SACS: variants seen among roughly 807,000 people sequenced by gnomAD.
SACS encodes the protein sacsin.
SACS carries 197 observed loss-of-function variants against 348.0 expected under a neutral mutation model. The observed-to-expected ratio is 0.57, with a 90% CI of 0.50 to 0.64. The LOEUF is 0.64. Ranked by LOEUF, SACS falls within the 30% of genes least tolerant of loss-of-function variation. The probability of loss-of-function intolerance (pLI) is 0.00; values close to 1 mark genes in which losing one functional copy is unlikely to be tolerated. For synonymous variants in SACS, 1,985 were observed against 1,910.6 expected, an observed-to-expected ratio of 1.04 and a Z score of -1.02; for missense variants, 4,999 against 5,360.8, an observed-to-expected ratio of 0.93 and a Z score of 2.11.
Position 23,336,753 on chromosome 13 carries a change from G to C in SACS, c.7123C>G (p.Pro2375Ala). Residue 2375 changes from proline (P) to alanine (A), a missense_variant, in exon 10 of 10, where the codon CCT becomes GCT. Around this residue, in one of 6 missense-constraint regions of SACS, gnomAD observed 3,156 missense variants for 3,380.1 expected, o/e 0.93. Coordinates refer to ENST00000382292, the MANE Select transcript of SACS (RefSeq NM_014363.6). ...CGGAAATTATTTTTATACTTATTAG[G>C]CAACTGATAAAGGTATGGTGCCGCC... is the stretch of plus-strand genomic sequence containing the variant. Reference protein sequence around the residue: ...FEAAPYLYQLPNKYKNNFREL... With the variant: ...FEAAPYLYQLANKYKNNFREL... 1 of 1,613,776 alleles carries C rather than the reference G, an allele frequency of 6.2e-7. No homozygotes were observed. The highest frequency in any genetic ancestry group is 8.5e-7 in the Non-Finnish European group (1 of 1,179,862).
chr13:23,426,125 C>G (rs1427250315), intron 1 of SACS, among the ~76,000 whole-genome samples: 2 of 152,162 alleles, frequency 1.3e-5, no homozygotes, highest in African/African-American at 4.8e-5. Flanking sequence ...GCTCCCAGCT[C>G]TTACTTATTC....
chr13:23,411,468 T>A lies in SACS; in HGVS notation c.-229A>T. 1 of 572,614 alleles carries A rather than the reference T, an allele frequency of 1.7e-6. No individual in the cohort carries two copies. 35.5% of individuals were successfully genotyped at this position (572,614 alleles called of 1,614,324 possible). A position where few individuals can be genotyped will look rare whatever the true frequency, so the allele number is the denominator to read the frequency against. On this transcript the variant is annotated 5_prime_UTR_variant, in exon 2 of 10. Transcript: ENST00000382292. ...CTTAAAGTATGACTCTCCAGTCTGA[T>A]AATGGTTGCCTGCTGATCCAGCGAC...
Position 23,334,817 on chromosome 13 carries a change from G to C in SACS, c.9059C>G (p.Ser3020Cys), listed in dbSNP as rs1490974915. The C allele has an allele frequency of 6.2e-7, 1 of 1,613,796 alleles. No individual in the cohort carries two copies. Among genetic ancestry groups the C allele is most frequent in the Admixed American group, 1.7e-5 (1 of 59,998 alleles). ...VIITWINMST[S>C]NKTRPFFDNL... The stretch of plus-strand genomic sequence containing the variant: ...GTCAAAAAATGGTCTAGTTTTATTA[G>C]AAGTAGACATATTGATCCAAGTAAT... The change falls in exon 10 of 10, where the codon TCT becomes TGT. Residue 3020 changes from serine (S) to cysteine (C), a missense_variant. By Grantham distance (112) the Ser-to-Cys change is moderately radical. Transcript: ENST00000382292.
At chr13:23,362,206 T>C (rs941859373) in intron 6 of SACS, among the ~76,000 whole-genome samples, 1 of 152,168 alleles carries the variant, frequency 6.6e-6, no homozygotes, top group Non-Finnish European at 1.5e-5. Context: ...CAGGCCAAGG[T>C]GTGTCCTAGT....
intron 2 of SACS, among the ~76,000 whole-genome samples, chr13:23,386,605 T>A (rs181259401): frequency 6.6e-6 from 1 of 152,340 alleles, no homozygotes; most frequent in East Asian, 1.9e-4. Context: ...AGTTTCTGTA[T>A]TCACTGGAAT....
At chr13:23,380,121 TC>T (rs1325599802) in intron 2 of SACS, among the ~76,000 whole-genome samples, 102 of 57,854 alleles carry the variant, frequency 1.8e-3, no homozygotes, top group African/African-American at 5.5e-3. Context: ...TGGGATTCCC[TC>T]GTGTGTGTGT....
At chr13:23,380,135 G>GTGTGTGTT (rs1555257282) in intron 2 of SACS, among the ~76,000 whole-genome samples, 4 of 56,528 alleles carry the variant, frequency 7.1e-5, no homozygotes, top group African/African-American at 1.4e-4. Flanking sequence ...GTGTGTGTGT[G>GTGTGTGTT]TGTGTGTGTG....
intron 1 of SACS, among the ~76,000 whole-genome samples, chr13:23,422,293 T>C (rs1873982837): frequency 6.6e-6 from 1 of 152,252 alleles, no homozygotes; most frequent in Admixed American, 6.5e-5. Flanking sequence ...GAAGAAGCTT[T>C]GTGATGTGCT....
chr13:23,409,206 A>G (rs1873378522), intron 2 of SACS, among the ~76,000 whole-genome samples: 1 of 146,962 alleles, frequency 6.8e-6, no homozygotes, highest in African/African-American at 2.5e-5. Flanking sequence ...ACAGGTGCCC[A>G]CCACCACGCC....
chr13:23,362,611 A>T (rs1593151317), intron 6 of SACS, among the ~76,000 whole-genome samples: 1 of 112,870 alleles, frequency 8.9e-6, no homozygotes. Flanking sequence ...TTTGAGATGG[A>T]GTCTCACTCT....
In SACS at chr13:23,354,710, C is replaced by T. The variant is rs781762286; in HGVS notation, c.1902G>A (p.Val634=). 6.2e-7 allele frequency: 1 copy of T among 1,613,772 alleles called. No individual in the cohort carries two copies. Among genetic ancestry groups the T allele is most frequent in the Non-Finnish European group, 8.5e-7 (1 of 1,179,754 alleles). The change falls in exon 8 of 10, where the codon GTG becomes GTA. Residue 634 remains valine (V), a synonymous_variant. Transcript: ENST00000382292. ...AGCCCAGGTGTGCACACTTCCGCAG[C>T]ACCTGCCGCACCCACGCGGGCGTCA... ...RKVTPAWVRQ[V]LRKCAHLGCA... is the part of the protein sequence containing the mutation.
chr13:23,334,196 T>C lies in SACS; in HGVS notation c.9680A>G (p.Lys3227Arg). The change falls in exon 10 of 10, where the codon AAG (lysine) becomes AGG (arginine). Residue 3227 changes from lysine to arginine, a missense_variant. By Grantham distance (26) the Lys-to-Arg change is conservative. Coordinates refer to ENST00000382292, the MANE Select transcript of SACS (RefSeq NM_014363.6). ...LLSSVLPREYKTKSCTKWKDN... is the reference protein window; with the variant it reads ...LLSSVLPREYRTKSCTKWKDN... ...TTTCCACTTTGTGCAACTTTTGGTCTTATATTCTCGAGGCAACACAGAGGA... is the reference window on the plus strand; with the variant it reads ...TTTCCACTTTGTGCAACTTTTGGTCCTATATTCTCGAGGCAACACAGAGGA... 2 of 1,613,894 alleles carry C rather than the reference T, an allele frequency of 1.2e-6. No individual in the cohort carries two copies. Among genetic ancestry groups the C allele is most frequent in the African/African-American group, 1.3e-5 (1 of 75,062 alleles).
chr13:23,412,595 G>A (rs1873538915), intron 1 of SACS, among the ~76,000 whole-genome samples: 3 of 151,746 alleles, frequency 2.0e-5, no homozygotes, highest in Non-Finnish European at 4.4e-5. Flanking sequence ...TGTATTTTTA[G>A]TGGAGATGGG....
chr13:23,359,200 A>G (rs142468897), intron 6 of SACS, among the ~76,000 whole-genome samples: 113 of 152,322 alleles, frequency 7.4e-4, no homozygotes, highest in African/African-American at 2.5e-3. Context: ...AGAAAAAAGA[A>G]AAAGAAATAT....
chr13:23,348,676 G>A (rs1262676645), intron 9 of SACS, among the ~76,000 whole-genome samples: 1 of 152,160 alleles, frequency 6.6e-6, no homozygotes, highest in Non-Finnish European at 1.5e-5. Flanking sequence ...GTCAAAGAAA[G>A]CTTCCTGGAG....
In SACS at chr13:23,339,171, T is replaced by C. The variant is rs1868956410; in HGVS notation, c.4705A>G (p.Ile1569Val). 6.2e-7 allele frequency: 1 copy of C among 1,613,076 alleles called. No individual in the cohort carries two copies. The highest frequency in any genetic ancestry group is 2.2e-5 in the East Asian group (1 of 44,852). ...AATTCCCGACTCATAATGATGGGAA[T>C]GTCAGTGATATGGTACACAGAATTA... The part of the protein sequence containing the change: ...GFNSVYHITD[I>V]PIIMSREFMI... Residue 1569 changes from isoleucine (I) to valine (V), a missense_variant, in exon 10 of 10, where the codon ATT becomes GTT. By Grantham distance (29) the Ile-to-Val change is conservative (BLOSUM62 3). This residue lies in a region of SACS where 3,156 missense variants were observed against 3,380.1 expected (regional missense o/e 0.93). Coordinates refer to ENST00000382292, the MANE Select transcript of SACS (RefSeq NM_014363.6).
chr13:23,373,077 A>G (rs1222915891), intron 3 of SACS, among the ~76,000 whole-genome samples: 1 of 152,156 alleles, frequency 6.6e-6, no homozygotes. Flanking sequence ...TCTAAATGGC[A>G]GGGCTAGCCA....
chr13:23,370,353 G>C (rs1404947265), intron 4 of SACS, among the ~76,000 whole-genome samples: 1 of 152,158 alleles, frequency 6.6e-6, no homozygotes, highest in South Asian at 2.1e-4. Context: ...AGATAAGTAC[G>C]TACCATGAAA....
At chr13:23,366,252 AACT>A in intron 5 of SACS, among the ~76,000 whole-genome samples, 1 of 152,194 alleles carries the variant, frequency 6.6e-6, no homozygotes, top group Non-Finnish European at 1.5e-5. Flanking sequence ...GAAACAAAAT[AACT>A]ACAAGGAGAC....
Sources: gnomAD v4.1 joint callset for allele counts (sites outside exome capture counted in the v4.1 genomes callset) on GRCh38, gnomAD v4.1.1 for gene constraint, gnomAD v4.1.1 regional missense constraint, MANE v1.5 for transcripts, NCBI Gene and HGNC (gene_info 2026-07-23, HGNC 2026-07-21) for gene names.